The following NOLC1 variants were observed in gnomAD, a reference collection of about 807,000 sequenced individuals.
NOLC1 encodes the protein 140 kDa nucleolar phosphoprotein.
In NOLC1, 37 loss-of-function variants were observed where a neutral mutation model predicts 73.4. That is an observed-to-expected ratio of 0.50 (90% confidence interval 0.39 to 0.66). The LOEUF is 0.66. Among genes scored for constraint, NOLC1 ranks in the 30% least tolerant of loss-of-function variants. The pLI is 0.00. For synonymous variants in NOLC1, 327 were observed against 302.6 expected, an observed-to-expected ratio of 1.08 and a Z score of -0.84; for missense variants, 921 against 838.9, an observed-to-expected ratio of 1.10 and a Z score of -1.21.
Position 102,160,221 on chromosome 10 carries a change from G to A in NOLC1, c.989-12G>A, listed in dbSNP as rs200065436. 38 of 1,611,712 alleles carry A rather than the reference G, an allele frequency of 2.4e-5. No individual in the cohort carries two copies. The highest frequency in any genetic ancestry group is 3.0e-5 in the Non-Finnish European group (35 of 1,177,944). On this transcript the variant is annotated splice_polypyrimidine_tract_variant and intron_variant, in intron 8 of 12. Coordinates refer to ENST00000605788, the MANE Select transcript of NOLC1 (RefSeq NM_004741.5). ...ACTCTGGACCCAGCATAATGCTACA[G>A]GTTCTCCTCAGATTCAAGTTCTGAA...
At position 102,160,459 on chromosome 10, in the gene NOLC1, C is replaced by T; in HGVS notation, c.1107C>T (p.Asp369=). Residue 369 remains aspartate, a synonymous_variant, in exon 10 of 13, where the codon GAC becomes GAT. Coordinates refer to ENST00000605788, the MANE Select transcript of NOLC1 (RefSeq NM_004741.5). ...CATCCCTTCTGTGTCTAGACTCTGA[C>T]AGCTCTGAGGATGATGAAGCTCCTT... ...AESSSDSSDS[D]SSEDDEAPSK... The T allele has an allele frequency of 6.2e-7, 1 of 1,613,228 alleles. No individual in the cohort carries two copies.
intron 1 of NOLC1, among the ~76,000 whole-genome samples, chr10:102,155,022 A>ATTTTTTTTTTTTTTT (rs34034390): frequency 7.6e-5 from 10 of 131,236 alleles, no homozygotes; most frequent in African/African-American, 2.8e-4. Flanking sequence ...CACCTGGCTA[A>ATTTTTTTTTTTTTTT]TTTTTTTTTT....
Position 102,161,967 on chromosome 10 carries a change from T to C in NOLC1, c.1941+42T>C, listed in dbSNP as rs201451506. On this transcript the variant is annotated intron_variant, in intron 12 of 12. Coordinates refer to ENST00000605788, the MANE Select transcript of NOLC1 (RefSeq NM_004741.5). ...TGCCATTCTTGGGAGGGAGGATGGG[T>C]AGTGTCAGAGAGGACAATTCTTGGT... The C allele has an allele frequency of 3.7e-6, 6 of 1,603,494 alleles. No individual in the cohort carries two copies. In the African/African-American group the frequency reaches 6.7e-5, roughly 18 times the overall value.
At chr10:102,155,415 G>A (rs189888226) in intron 1 of NOLC1, among the ~76,000 whole-genome samples, 76 of 151,418 alleles carry the variant, frequency 5.0e-4, no homozygotes, top group Non-Finnish European at 9.9e-4. Flanking sequence ...AGAGATGGAG[G>A]TCTCACTGTC....
chr10:102,155,285 A>G (rs1398075683), intron 1 of NOLC1, among the ~76,000 whole-genome samples: 2 of 151,910 alleles, frequency 1.3e-5, no homozygotes, highest in Non-Finnish European at 2.9e-5. Context: ...TCAGCCTCAC[A>G]AAGTGTTGGG....
rs200772240 is a variant in NOLC1, at chr10:102,160,014, T to C, written c.978T>C (p.Ser326=). The C allele has an allele frequency of 6.2e-7, 1 of 1,612,828 alleles. No homozygotes were observed. The highest frequency in any genetic ancestry group is 8.5e-7 in the Non-Finnish European group (1 of 1,179,448). The change falls in exon 8 of 13, where the codon AGT becomes AGC. Residue 326 remains serine (S), a synonymous_variant. Transcript: ENST00000605788. ...CTGTGGAAAGCAGTGAAGACAGCAG[T>C]GATGAGTCTGGTGAGTCAGAGGGAT... The part of the protein sequence containing the change: ...QQPVESSEDS[S]DESDSSSEEE...
chr10:102,162,056 T>C, intron 12 of NOLC1, 55 bp from the exon 13 acceptor site: 1 of 1,605,674 alleles, frequency 6.2e-7, no homozygotes, highest in Non-Finnish European at 8.5e-7. Context: ...AAGAATAAAG[T>C]GACAGGGCTC....
Position 102,162,393 on chromosome 10 carries a change from C to T in NOLC1, c.*124C>T. 1 of 997,732 alleles carries T rather than the reference C, an allele frequency of 1.0e-6. No individual in the cohort carries two copies. Among genetic ancestry groups the T allele is most frequent in the Non-Finnish European group, 1.5e-6 (1 of 675,034 alleles). The allele number at this position is 997,732 out of a possible 1,614,324, so 61.8% of individuals were successfully genotyped here. A position where few individuals can be genotyped will look rare whatever the true frequency, so the allele number is the denominator to read the frequency against. ...TGAGGACAGAAGTTTAGAGTAGGTC[C>T]TAAGACTTTACAGTGTAACATCCTC... On this transcript the variant is annotated 3_prime_UTR_variant, in exon 13 of 13. Transcript: ENST00000605788.
rs546014251 is a variant in NOLC1, at chr10:102,160,780, C to T, written c.1428C>T (p.Ser476=). Reference sequence around the variant, plus strand: ...ACAGCAGCTCTGATTCAGACAGCTCCAGCAGTGAGGAGGAGGAAGAGAAGA... The same window carrying T: ...ACAGCAGCTCTGATTCAGACAGCTCTAGCAGTGAGGAGGAGGAAGAGAAGA... ...SRDSSSDSDS[S]SSEEEEEKTS... Residue 476 remains serine (S), a synonymous_variant, in exon 10 of 13, where the codon TCC becomes TCT. Coordinates refer to ENST00000605788, the MANE Select transcript of NOLC1 (RefSeq NM_004741.5). 3.1e-6 allele frequency: 5 copies of T among 1,614,226 alleles called. No individual in the cohort carries two copies. Among genetic ancestry groups the T allele is most frequent in the African/African-American group, 1.3e-5 (1 of 75,062 alleles).
chr10:102,158,170 CA>C lies in NOLC1; in HGVS notation c.564del (p.Pro189LeufsTer2). 5 of 1,614,176 alleles carry C rather than the reference CA, an allele frequency of 3.1e-6. No homozygotes were observed. Among genetic ancestry groups the C allele is most frequent in the Non-Finnish European group, 4.2e-6 (5 of 1,180,016 alleles). On this transcript the variant is annotated frameshift_variant, in exon 5 of 13. Transcript: ENST00000605788. LOFTEE classifies it high-confidence loss of function. ...CCAAAGAACCAGAAGCCAAAGATAACACCTGTGACAGTTAAAGCTCAGACTA... is the reference window on the plus strand; with the variant it reads ...CCAAAGAACCAGAAGCCAAAGATAACCCTGTGACAGTTAAAGCTCAGACTA... ...EPPKNQKPKI[T>X]PVTVKAQTKA...
rs748147452 is a variant in NOLC1, at chr10:102,159,229, C to CCAGTAGCAG, written c.657_665dup (p.Ser225_Ser227dup). ...CCTAAAATAGCCAATGGTAAAGCAG[C>CCAGTAGCAG]CAGTAGCAGCAGTAGCAGCAGCAGC... is the stretch of plus-strand genomic sequence containing the variant. On this transcript the variant is annotated inframe_insertion, in exon 6 of 13. Coordinates refer to ENST00000605788, the MANE Select transcript of NOLC1 (RefSeq NM_004741.5). 4.6e-5 allele frequency: 75 copies of CCAGTAGCAG among 1,613,992 alleles called. No homozygotes were observed. The Middle Eastern group carries it at 8.3e-4, about 18-fold the overall frequency.
Position 102,159,982 on chromosome 10 carries a change from C to A in NOLC1, c.946C>A (p.Gln316Lys), listed in dbSNP as rs1283941799. 1 of 1,612,270 alleles carries A rather than the reference C, an allele frequency of 6.2e-7. No homozygotes were observed. The highest frequency in any genetic ancestry group is 8.5e-7 in the Non-Finnish European group (1 of 1,179,132). The change falls in exon 8 of 13, where the codon CAG becomes AAG. Residue 316 changes from glutamine (Q) to lysine (K), a missense_variant. By Grantham distance (53) the Gln-to-Lys change is moderately conservative. Coordinates refer to ENST00000605788, the MANE Select transcript of NOLC1 (RefSeq NM_004741.5). The stretch of plus-strand genomic sequence containing the variant: ...GCCTCCCAAGAAGGCTGTGGAGAAG[C>A]AGCAGCCTGTGGAAAGCAGTGAAGA... ...TQPPKKAVEK[Q>K]QPVESSEDSS...
rs747928692 is a variant in NOLC1, at chr10:102,160,739, C to T, written c.1387C>T (p.Pro463Ser). 3 of 1,614,120 alleles carry T rather than the reference C, an allele frequency of 1.9e-6. No individual in the cohort carries two copies. The highest frequency in any genetic ancestry group is 2.2e-5 in the East Asian group (1 of 44,882). The change falls in exon 10 of 13, where the codon CCT becomes TCT. Residue 463 changes from proline to serine, a missense_variant. Pro to Ser is a moderately conservative substitution (Grantham distance 74). Transcript: ENST00000605788. ...TCTATCTCTGCCTGCCAAGCAGGCT[C>T]CTCAGGGTAGTAGGGACAGCAGCTC... is the stretch of plus-strand genomic sequence containing the variant. ...AALSLPAKQA[P>S]QGSRDSSSDS...
chr10:102,161,526 T>G, intron 10 of NOLC1, 30 bp from the exon 11 acceptor site: 3 of 1,565,526 alleles, frequency 1.9e-6, no homozygotes, highest in Non-Finnish European at 2.6e-6. Context: ...GCCACTGTAC[T>G]CGGCCTGAGT....
rs34034390 is a variant in NOLC1, at chr10:102,155,022, A to ATTTTTTTTTTTTT, written c.121-1990_121-1978dup. The stretch of plus-strand genomic sequence containing the variant: ...AGACATGTACCACCACACCTGGCTA[A>ATTTTTTTTTTTTT]TTTTTTTTTTTTTTTTTTTGTGACA... On this transcript the variant is annotated intron_variant, in intron 1 of 12. Coordinates refer to ENST00000605788, the MANE Select transcript of NOLC1 (RefSeq NM_004741.5). Among the ~76,000 whole-genome samples, 175 of 131,206 alleles carry ATTTTTTTTTTTTT rather than the reference A, an allele frequency of 1.3e-3. 1 individual carries two copies. The highest frequency in any genetic ancestry group is 4.9e-3 in the African/African-American group (173 of 35,228). 86.1% of individuals were successfully genotyped at this position (131,206 alleles called of 152,430 possible).
Position 102,152,389 on chromosome 10 carries a change from AG to A in NOLC1, c.-21del. ...TGAGTCGTGCTGCGTCGACAACGGT[AG>A]TGACGCGTATTGCCTGGAGGATGGC... On this transcript the variant is annotated 5_prime_UTR_variant, in exon 1 of 13. In the 5' UTR this introduces an upstream ATG that the reference lacks. Coordinates refer to ENST00000605788, the MANE Select transcript of NOLC1 (RefSeq NM_004741.5). 6.2e-7 allele frequency: 1 copy of A among 1,606,382 alleles called. No individual in the cohort carries two copies. The highest frequency in any genetic ancestry group is 8.5e-7 in the Non-Finnish European group (1 of 1,179,912).
chr10:102,155,809 C>T (rs1398754741), intron 1 of NOLC1, among the ~76,000 whole-genome samples: 1 of 152,064 alleles, frequency 6.6e-6, no homozygotes, highest in African/African-American at 2.4e-5. Flanking sequence ...CCGTGCCTGG[C>T]CCTTAAATGC....
At chr10:102,156,490 C>T (rs917314037) in intron 1 of NOLC1, among the ~76,000 whole-genome samples, 6 of 151,132 alleles carry the variant, frequency 4.0e-5, no homozygotes, top group South Asian at 4.2e-4. Flanking sequence ...TGCAGTGGCG[C>T]GATCTCCTAG....
chr10:102,159,199 C>G lies in NOLC1; in HGVS notation c.614C>G (p.Ala205Gly). The part of the protein sequence containing the change: ...QTKAPPKPAR[A>G]APKIANGKAA... Reference sequence around the variant, plus strand: ...TTTTTCTTGGGTATTCCAGCTCGAGCAGCACCTAAAATAGCCAATGGTAAA... The same window carrying G: ...TTTTTCTTGGGTATTCCAGCTCGAGGAGCACCTAAAATAGCCAATGGTAAA... Residue 205 changes from alanine (A) to glycine (G), a missense_variant, in exon 6 of 13, where the codon GCA becomes GGA. Coordinates refer to ENST00000605788, the MANE Select transcript of NOLC1 (RefSeq NM_004741.5). 1 of 1,613,312 alleles carries G rather than the reference C, an allele frequency of 6.2e-7. No homozygotes were observed. The highest frequency in any genetic ancestry group is 1.7e-5 in the Admixed American group (1 of 59,902).
Sources: gnomAD v4.1 joint callset for allele counts (sites outside exome capture counted in the v4.1 genomes callset) on GRCh38, gnomAD v4.1.1 for gene constraint, MANE v1.5 for transcripts, NCBI Gene and HGNC (gene_info 2026-07-23, HGNC 2026-07-21) for gene names.